Variants in ERBB4 observed in about 807,000 individuals in gnomAD.
ERBB4 encodes erb-b2 receptor tyrosine kinase 4, also known as receptor tyrosine-protein kinase erbB-4.
In ERBB4, 42 loss-of-function variants were observed where a neutral mutation model predicts 158.0. The ratio of observed to expected loss-of-function variants is 0.27; its 90% confidence interval spans 0.21 to 0.34. The LOEUF (loss-of-function observed/expected upper bound fraction) is 0.34. Among genes scored for constraint, ERBB4 ranks in the 10% least tolerant of loss-of-function variants. ERBB4 has a pLI of 1.00. For missense variants in ERBB4, 1,333 were observed against 1,624.1 expected (o/e 0.82, Z 3.08); for synonymous variants, 583 against 558.7 (o/e 1.04, Z -0.61).
intron 20 of ERBB4, among the ~76,000 whole-genome samples, chr2:211,514,685 A>G (rs76221652): frequency 0.028 from 4,203 of 152,252 alleles, 199 homozygotes; most frequent in African/African-American, 0.096. Context: ...CAACTGTAAG[A>G]AAAGACACAT....
At chr2:212,309,128 C>T (rs914256325) in intron 1 of ERBB4, among the ~76,000 whole-genome samples, 1 of 150,794 alleles carries the variant, frequency 6.6e-6, no homozygotes, top group African/African-American at 2.4e-5. Flanking sequence ...AAAACTGGAA[C>T]AATGACAGTT....
intron 7 of ERBB4, among the ~76,000 whole-genome samples, chr2:211,717,760 G>A (rs2073967898): frequency 6.6e-6 from 1 of 152,112 alleles, no homozygotes; most frequent in African/African-American, 2.4e-5. Context: ...CCGGGAGGCG[G>A]AGGTTGCAGT....
At chr2:212,130,223 G>A (rs150977705) in intron 1 of ERBB4, among the ~76,000 whole-genome samples, 1 of 152,138 alleles carries the variant, frequency 6.6e-6, no homozygotes, top group Non-Finnish European at 1.5e-5. Context: ...AATAGTTCAA[G>A]CATCAAAAAT....
At chr2:212,107,110 C>G (rs1246190062) in intron 2 of ERBB4, among the ~76,000 whole-genome samples, 1 of 152,166 alleles carries the variant, frequency 6.6e-6, no homozygotes, top group Non-Finnish European at 1.5e-5. Flanking sequence ...GTGTCACTGT[C>G]CTCCAGGACC....
At chr2:211,678,086 T>C (rs891503076) in intron 13 of ERBB4, among the ~76,000 whole-genome samples, 1 of 152,028 alleles carries the variant, frequency 6.6e-6, no homozygotes, top group African/African-American at 2.4e-5. Context: ...CTTCTACTAC[T>C]GGTAATGTTA....
chr2:212,352,232 G>A (rs1161725116), intron 1 of ERBB4, among the ~76,000 whole-genome samples: 1 of 151,740 alleles, frequency 6.6e-6, no homozygotes, highest in Non-Finnish European at 1.5e-5. Context: ...CTTTGTACCT[G>A]GGTGATGAAA....
At chr2:211,901,981 T>TA (rs1259874301) in intron 3 of ERBB4, among the ~76,000 whole-genome samples, 1 of 152,172 alleles carries the variant, frequency 6.6e-6, no homozygotes, top group Non-Finnish European at 1.5e-5. Context: ...TATGTTCTGT[T>TA]ATTTGTCATA....
chr2:211,703,004 C>T (rs1316165446), intron 11 of ERBB4, among the ~76,000 whole-genome samples: 3 of 152,074 alleles, frequency 2.0e-5, no homozygotes, highest in Non-Finnish European at 2.9e-5. Context: ...TTCCACATTT[C>T]GATCAGCTAA....
intron 1 of ERBB4, among the ~76,000 whole-genome samples, chr2:212,450,006 C>G (rs541710999): frequency 6.6e-6 from 1 of 152,180 alleles, no homozygotes; most frequent in Non-Finnish European, 1.5e-5. Flanking sequence ...TATACACTAA[C>G]GTGTTTAAAA....
intron 1 of ERBB4, among the ~76,000 whole-genome samples, chr2:212,256,346 G>C (rs1158294889): frequency 6.6e-6 from 1 of 151,968 alleles, no homozygotes; most frequent in Non-Finnish European, 1.5e-5. Flanking sequence ...CAGATAATTT[G>C]CCTTATCATC....
At chr2:212,489,579 T>C (rs1288919381) in intron 1 of ERBB4, among the ~76,000 whole-genome samples, 1 of 151,914 alleles carries the variant, frequency 6.6e-6, no homozygotes, top group Non-Finnish European at 1.5e-5. Context: ...GTAAGAAATA[T>C]AAATATTTAT....
chr2:211,384,951 A>G (rs1053476322), intron 27 of ERBB4, among the ~76,000 whole-genome samples: 1 of 152,094 alleles, frequency 6.6e-6, no homozygotes, highest in Non-Finnish European at 1.5e-5. Flanking sequence ...TATGTCTATA[A>G]TATAGACTGC....
chr2:212,511,021 T>C (rs1456143363), intron 1 of ERBB4, among the ~76,000 whole-genome samples: 1 of 152,054 alleles, frequency 6.6e-6, no homozygotes, highest in Non-Finnish European at 1.5e-5. Context: ...TATATGTAAA[T>C]GACTAGGCCA....
In ERBB4 at chr2:211,537,107, T is replaced by G. The variant is rs146525437; in HGVS notation, c.2487+24796A>C. Among the ~76,000 whole-genome samples the G allele has an allele frequency of 2.8e-3, 430 of 152,018 alleles. 1 individual carries two copies. Among genetic ancestry groups the G allele is most frequent in the African/African-American group, 9.0e-3 (375 of 41,522 alleles). On this transcript the variant is annotated intron_variant, in intron 20 of 27. Coordinates refer to ENST00000342788, the MANE Select transcript of ERBB4 (RefSeq NM_005235.3). ...TTTATTTTTAAAATTACCCTGAAAATTAGTGTAAAATTAAAATTTTAAAAA... is the reference window on the plus strand; with the variant it reads ...TTTATTTTTAAAATTACCCTGAAAAGTAGTGTAAAATTAAAATTTTAAAAA...
chr2:211,497,096 T>G (rs1421477067), intron 20 of ERBB4, among the ~76,000 whole-genome samples: 1 of 152,150 alleles, frequency 6.6e-6, no homozygotes, highest in East Asian at 1.9e-4. Flanking sequence ...AATGCATGCA[T>G]GAGCAGAATT....
intron 1 of ERBB4, among the ~76,000 whole-genome samples, chr2:212,312,186 A>C (rs1433789920): frequency 2.0e-5 from 3 of 150,998 alleles, no homozygotes; most frequent in African/African-American, 7.3e-5. Flanking sequence ...CCCTTCAAGG[A>C]ACTACTCTAG....
chr2:212,190,048 G>A (rs887169156), intron 1 of ERBB4, among the ~76,000 whole-genome samples: 3 of 152,044 alleles, frequency 2.0e-5, no homozygotes, highest in African/African-American at 4.8e-5. Context: ...ATTTCCATAG[G>A]CATAGCTACC....
At chr2:211,910,889 TAAACTCCTTTATTC>T (rs974555469) in intron 3 of ERBB4, among the ~76,000 whole-genome samples, 3 of 148,110 alleles carry the variant, frequency 2.0e-5, no homozygotes, top group African/African-American at 8.0e-5. Flanking sequence ...CTTCTTAAAG[TAAACTCCTTTATTC>T]AAAATAATGT....
At chr2:212,430,127 T>C (rs1368137351) in intron 1 of ERBB4, among the ~76,000 whole-genome samples, 1 of 152,188 alleles carries the variant, frequency 6.6e-6, no homozygotes, top group Non-Finnish European at 1.5e-5. Flanking sequence ...AGGAACTAGA[T>C]TCAGGTCTAT....
Sources: gnomAD v4.1 joint callset for allele counts (sites outside exome capture counted in the v4.1 genomes callset) on GRCh38, gnomAD v4.1.1 for gene constraint, MANE v1.5 for transcripts, NCBI Gene and HGNC (gene_info 2026-07-23, HGNC 2026-07-21) for gene names.